Variants in GPC6 observed in about 807,000 individuals in gnomAD.
GPC6 encodes glypican 6, also known as glypican-6.
A neutral mutation model predicts 55.2 loss-of-function variants in GPC6; 14 were observed. The ratio of observed to expected loss-of-function variants is 0.25; its 90% CI spans 0.17 to 0.40. The LOEUF is 0.40. Ranked by LOEUF, GPC6 falls within the 10% of genes least tolerant of loss-of-function variation. The pLI is 1.00. For missense variants in GPC6, 641 were observed against 708.5 expected, an observed-to-expected ratio of 0.90 and a Z score of 1.08; for synonymous variants, 278 against 259.6, an observed-to-expected ratio of 1.07 and a Z score of -0.68.
At chr13:93,319,995 T>A (rs1228016844) in intron 1 of GPC6, among the ~76,000 whole-genome samples, 1 of 152,098 alleles carries the variant, frequency 6.6e-6, no homozygotes, top group Non-Finnish European at 1.5e-5. Context: ...TGAGCCCTGA[T>A]GGCTTCAGGA....
chr13:94,134,777 G>A (rs989786294), intron 4 of GPC6, among the ~76,000 whole-genome samples: 17 of 151,850 alleles, frequency 1.1e-4, no homozygotes, highest in African/African-American at 4.1e-4. Flanking sequence ...GAGGACTTTC[G>A]GGTTTCTATT....
intron 3 of GPC6, among the ~76,000 whole-genome samples, chr13:93,868,337 A>C (rs1889032571): frequency 6.6e-6 from 1 of 151,784 alleles, no homozygotes; most frequent in African/African-American, 2.4e-5. Flanking sequence ...AAGTGTTAAC[A>C]TTTCTGTCTA....
intron 3 of GPC6, among the ~76,000 whole-genome samples, chr13:93,963,601 T>G (rs1879885135): frequency 6.6e-6 from 1 of 152,196 alleles, no homozygotes; most frequent in East Asian, 1.9e-4. Flanking sequence ...TAATCAGTGG[T>G]CATTTAAAAA....
chr13:93,488,007 A>G (rs911791216), intron 1 of GPC6, among the ~76,000 whole-genome samples: 1 of 152,198 alleles, frequency 6.6e-6, no homozygotes, highest in Non-Finnish European at 1.5e-5. Context: ...TCTAGGGTAC[A>G]TGTGCACAAC....
chr13:93,950,327 T>A (rs955631805), intron 3 of GPC6, among the ~76,000 whole-genome samples: 7 of 152,230 alleles, frequency 4.6e-5, no homozygotes, highest in Non-Finnish European at 7.3e-5. Context: ...TAACTGGTGA[T>A]ATTTATATCT....
intron 4 of GPC6, among the ~76,000 whole-genome samples, chr13:94,130,079 A>G (rs1435987164): frequency 6.6e-6 from 1 of 152,178 alleles, no homozygotes; most frequent in Non-Finnish European, 1.5e-5. Context: ...GATATATTTA[A>G]TGCTCTCATA....
At chr13:93,228,098 G>A (rs751473534) in intron 1 of GPC6, among the ~76,000 whole-genome samples, 5 of 152,098 alleles carry the variant, frequency 3.3e-5, no homozygotes, top group Non-Finnish European at 5.9e-5. Context: ...GAGACGCGGA[G>A]GGCTCCCCCA....
chr13:94,028,925 CAAAT>C (rs911265501), intron 4 of GPC6, among the ~76,000 whole-genome samples: 3 of 152,146 alleles, frequency 2.0e-5, no homozygotes, highest in Non-Finnish European at 4.4e-5. Context: ...CCCCCTCTGT[CAAAT>C]AGCCTTCAAA....
chr13:93,979,441 T>C (rs1880688673), intron 3 of GPC6, among the ~76,000 whole-genome samples: 1 of 151,952 alleles, frequency 6.6e-6, no homozygotes, highest in Non-Finnish European at 1.5e-5. Flanking sequence ...ATTTTTCCAC[T>C]TTCCTGATGC....
At chr13:93,447,648 A>G (rs1210828112) in intron 1 of GPC6, among the ~76,000 whole-genome samples, 1 of 152,240 alleles carries the variant, frequency 6.6e-6, no homozygotes, top group African/African-American at 2.4e-5. Context: ...TTAAGTCTTT[A>G]GTTCATATAC....
chr13:94,286,497 G>A lies in GPC6; in HGVS notation c.1008+18G>A. ...CTGCAAAGGTATTTGCATTAGTAATGTATCTGCCAATACATGTATGTTATA... is the reference window on the plus strand; with the variant it reads ...CTGCAAAGGTATTTGCATTAGTAATATATCTGCCAATACATGTATGTTATA... On this transcript the variant is annotated intron_variant, in intron 5 of 8. Transcript: ENST00000377047. The A allele has an allele frequency of 6.2e-7, 1 of 1,607,944 alleles. No homozygotes were observed. Among genetic ancestry groups the A allele is most frequent in the Non-Finnish European group, 8.5e-7 (1 of 1,174,730 alleles).
chr13:94,125,756 A>C (rs1364114349), intron 4 of GPC6, among the ~76,000 whole-genome samples: 1 of 151,848 alleles, frequency 6.6e-6, no homozygotes, highest in Non-Finnish European at 1.5e-5. Flanking sequence ...AGTTAAATGA[A>C]GTCAGCAAAG....
At chr13:93,757,326 T>G (rs543210426) in intron 2 of GPC6, among the ~76,000 whole-genome samples, 1 of 152,224 alleles carries the variant, frequency 6.6e-6, no homozygotes, top group East Asian at 1.9e-4. Context: ...GCACAGTCTG[T>G]CAGCAGATTG....
chr13:93,969,117 G>T (rs1198134872), intron 3 of GPC6, among the ~76,000 whole-genome samples: 1 of 152,170 alleles, frequency 6.6e-6, no homozygotes, highest in African/African-American at 2.4e-5. Context: ...TAATAAAAAT[G>T]TGATACACAC....
At chr13:93,414,620 A>G (rs1335489228) in intron 1 of GPC6, among the ~76,000 whole-genome samples, 2 of 152,090 alleles carry the variant, frequency 1.3e-5, no homozygotes, top group South Asian at 2.1e-4. Flanking sequence ...GTATTTTAGG[A>G]AGAGACTTCT....
chr13:93,369,482 T>A (rs1193315984), intron 1 of GPC6, among the ~76,000 whole-genome samples: 2 of 152,156 alleles, frequency 1.3e-5, no homozygotes, highest in Non-Finnish European at 2.9e-5. Flanking sequence ...GTGACTTACA[T>A]TGTTTTATTG....
chr13:93,423,095 A>G (rs1876986383), intron 1 of GPC6, among the ~76,000 whole-genome samples: 1 of 152,180 alleles, frequency 6.6e-6, no homozygotes, highest in Non-Finnish European at 1.5e-5. Flanking sequence ...GGGGCAAATT[A>G]CTTAACCTCT....
chr13:93,854,834 G>T (rs1231051924), intron 3 of GPC6, among the ~76,000 whole-genome samples: 1 of 151,542 alleles, frequency 6.6e-6, no homozygotes, highest in Admixed American at 6.6e-5. Flanking sequence ...CCACCTAAAA[G>T]AATCTAAGTA....
chr13:93,802,683 C>T (rs1044582232), intron 2 of GPC6, among the ~76,000 whole-genome samples: 10 of 152,112 alleles, frequency 6.6e-5, no homozygotes, highest in East Asian at 1.9e-4. Flanking sequence ...CAGTTGTGAG[C>T]CACCATGCTG....
Sources: gnomAD v4.1 joint callset for allele counts (sites outside exome capture counted in the v4.1 genomes callset) on GRCh38, gnomAD v4.1.1 for gene constraint, MANE v1.5 for transcripts, NCBI Gene and HGNC (gene_info 2026-07-23, HGNC 2026-07-21) for gene names.